Variants in MTDH observed in about 807,000 individuals in gnomAD.
MTDH encodes metadherin.
In MTDH, 34 loss-of-function variants were observed where a neutral mutation model predicts 72.7. The ratio of observed to expected loss-of-function variants is 0.47; its 90% CI spans 0.36 to 0.62. The LOEUF (loss-of-function observed/expected upper bound fraction) is 0.62. Ranked by LOEUF, MTDH falls within the 20% of genes least tolerant of loss-of-function variation. The pLI is 0.00. For missense variants in MTDH, 677 were observed against 699.4 expected (o/e 0.97, Z 0.36); for synonymous variants, 266 against 268.9 (o/e 0.99, Z 0.10).
At chr8:97,667,045 G>C (rs1331446334) in intron 2 of MTDH, among the ~76,000 whole-genome samples, 1 of 151,968 alleles carries the variant, frequency 6.6e-6, no homozygotes, top group South Asian at 2.1e-4. Context: ...AGCCTGGAGC[G>C]CAGTGGCACA....
chr8:97,721,881 T>G (rs1027856811), intron 10 of MTDH, among the ~76,000 whole-genome samples: 1 of 152,218 alleles, frequency 6.6e-6, no homozygotes, highest in African/African-American at 2.4e-5. Flanking sequence ...TGTACCTGAG[T>G]GTTACCAGTT....
At chr8:97,720,368 G>A (rs1386038458) in intron 10 of MTDH, among the ~76,000 whole-genome samples, 1 of 152,026 alleles carries the variant, frequency 6.6e-6, no homozygotes, top group Non-Finnish European at 1.5e-5. Flanking sequence ...CTTGAGTCCA[G>A]GAGTTTGAGA....
At chr8:97,669,157 A>AT (rs1200318042) in intron 2 of MTDH, among the ~76,000 whole-genome samples, 8 of 151,322 alleles carry the variant, frequency 5.3e-5, no homozygotes, top group East Asian at 1.9e-4. Context: ...CCACAATCTA[A>AT]TTTTTTTTTG....
At chr8:97,689,677 A>G (rs1193210921) in intron 5 of MTDH, among the ~76,000 whole-genome samples, 1 of 151,466 alleles carries the variant, frequency 6.6e-6, no homozygotes, top group Non-Finnish European at 1.5e-5. Context: ...AAAATTGGAA[A>G]TGAAAAAAGC....
chr8:97,664,078 G>A (rs1295501011), intron 2 of MTDH, among the ~76,000 whole-genome samples: 1 of 152,050 alleles, frequency 6.6e-6, no homozygotes, highest in African/African-American at 2.4e-5. Flanking sequence ...ACAGTTGGCC[G>A]GGCACAATGG....
intron 5 of MTDH, among the ~76,000 whole-genome samples, chr8:97,689,804 T>C (rs1813512806): frequency 6.7e-6 from 1 of 149,036 alleles, no homozygotes; most frequent in African/African-American, 2.5e-5. Flanking sequence ...ACCTCCCGGG[T>C]GCAAGCAATT....
intron 6 of MTDH, 27 bp from the exon 7 acceptor site, chr8:97,699,727 T>G (rs1814025344): frequency 7.0e-7 from 1 of 1,425,552 alleles, no homozygotes; most frequent in Admixed American, 1.7e-5. Context: ...CCATTTTTAA[T>G]TTTATTGCAT....
intron 2 of MTDH, among the ~76,000 whole-genome samples, chr8:97,685,113 A>G (rs576881065): frequency 6.6e-6 from 1 of 152,318 alleles, no homozygotes; most frequent in Non-Finnish European, 1.5e-5. Context: ...AACTTCAGAT[A>G]TACTAAAAAC....
intron 2 of MTDH, among the ~76,000 whole-genome samples, chr8:97,677,625 G>A (rs371633015): frequency 1.3e-5 from 2 of 152,112 alleles, no homozygotes; most frequent in East Asian, 3.8e-4. Flanking sequence ...GATCCAGATA[G>A]TGAAATCATC....
intron 7 of MTDH, 156 bp from the exon 8 acceptor site, chr8:97,706,470 C>A: frequency 1.9e-6 from 1 of 523,430 alleles, no homozygotes; most frequent in Admixed American, 4.2e-5. Context: ...AGATTGTTAC[C>A]TTCATGTTAT....
intron 2 of MTDH, among the ~76,000 whole-genome samples, chr8:97,666,556 C>G (rs1385188802): frequency 6.6e-6 from 1 of 152,162 alleles, no homozygotes; most frequent in Non-Finnish European, 1.5e-5. Context: ...GAAGGCAAAA[C>G]TATTTTCATA....
chr8:97,678,588 T>G (rs1268965347), intron 2 of MTDH, among the ~76,000 whole-genome samples: 1 of 141,854 alleles, frequency 7.0e-6, no homozygotes, highest in Non-Finnish European at 1.5e-5. Context: ...GCTTCCTTCC[T>G]TCCTTCTTTT....
intron 2 of MTDH, among the ~76,000 whole-genome samples, chr8:97,674,342 C>T (rs1040628242): frequency 6.6e-6 from 1 of 152,224 alleles, no homozygotes; most frequent in African/African-American, 2.4e-5. Context: ...AAATCAATTG[C>T]AGACTTTTCT....
intron 7 of MTDH, among the ~76,000 whole-genome samples, chr8:97,705,975 AT>A (rs1235006792): frequency 2.0e-5 from 3 of 152,214 alleles, no homozygotes; most frequent in Non-Finnish European, 4.4e-5. Flanking sequence ...AATAAAATTT[AT>A]TTTTGATAAT....
At chr8:97,655,852 C>CAT (rs1300050590) in intron 1 of MTDH, among the ~76,000 whole-genome samples, 1 of 152,212 alleles carries the variant, frequency 6.6e-6, no homozygotes, top group African/African-American at 2.4e-5. Context: ...TATGCTTTCA[C>CAT]ATGCTCTGTC....
At chr8:97,657,966 C>T (rs1382289283) in intron 1 of MTDH, among the ~76,000 whole-genome samples, 2 of 152,132 alleles carry the variant, frequency 1.3e-5, no homozygotes, top group Non-Finnish European at 1.5e-5. Context: ...AGTGATTTTC[C>T]AGGGCAAGGC....
At chr8:97,720,255 A>G (rs1314895674) in intron 10 of MTDH, among the ~76,000 whole-genome samples, 2 of 152,144 alleles carry the variant, frequency 1.3e-5, no homozygotes, top group Middle Eastern at 3.2e-3. Context: ...ACTGCACTCC[A>G]GCCTGGGCAA....
chr8:97,724,577 G>A (rs756461891), intron 11 of MTDH, 23 bp from the exon 12 acceptor site: 17 of 1,551,656 alleles, frequency 1.1e-5, no homozygotes, highest in Non-Finnish European at 1.3e-5. Flanking sequence ...TTTTTTCTTC[G>A]TTTTCCCCCT....
At chr8:97,706,988 G>GGA in intron 8 of MTDH, among the ~76,000 whole-genome samples, 1 of 152,134 alleles carries the variant, frequency 6.6e-6, no homozygotes, top group East Asian at 1.9e-4. Flanking sequence ...AGAGCCTCAG[G>GGA]GAGACAATAA....
Sources: allele counts gnomAD v4.1 joint callset (sites outside exome capture counted in the v4.1 genomes callset), GRCh38; gene constraint gnomAD v4.1.1; transcripts MANE v1.5; gene names NCBI Gene and HGNC (gene_info 2026-07-23, HGNC 2026-07-21).